The following RAB11FIP3 variants were observed in gnomAD, a reference collection of about 807,000 sequenced individuals.
RAB11FIP3 encodes the protein RAB11 family interacting protein 3, also known as rab11 family-interacting protein 3.
RAB11FIP3 carries 17 observed loss-of-function variants against 77.8 expected under a neutral mutation model. The observed-to-expected ratio is 0.22, with a 90% CI of 0.15 to 0.33. The LOEUF is 0.33. Ranked by LOEUF, RAB11FIP3 falls within the 10% of genes least tolerant of loss-of-function variation. The pLI, the probability that RAB11FIP3 is intolerant of heterozygous loss-of-function variation, is 1.00. For synonymous variants in RAB11FIP3, 437 were observed against 448.2 expected, an observed-to-expected ratio of 0.98 and a Z score of 0.31; for missense variants, 1,005 against 1,011.2, an observed-to-expected ratio of 0.99 and a Z score of 0.08.
intron 6 of RAB11FIP3, among the ~76,000 whole-genome samples, chr16:500,856 C>T (rs527608172): frequency 5.0e-4 from 76 of 152,250 alleles, no homozygotes; most frequent in African/African-American, 1.8e-3. Flanking sequence ...GTGCCTACGC[C>T]TCTAGGACAG....
intron 9 of RAB11FIP3, among the ~76,000 whole-genome samples, chr16:516,625 C>T (rs962011454): frequency 6.6e-6 from 1 of 152,158 alleles, no homozygotes; most frequent in Non-Finnish European, 1.5e-5. Flanking sequence ...GCCTGTAACC[C>T]CAGCACTTTG....
chr16:513,261 C>T (rs1336219962), intron 9 of RAB11FIP3, among the ~76,000 whole-genome samples: 3 of 151,552 alleles, frequency 2.0e-5, no homozygotes, highest in African/African-American at 2.4e-5. Context: ...TGCTCTGTGC[C>T]CCTGGCTGGA....
chr16:445,396 G>C (rs1245251364), intron 1 of RAB11FIP3, among the ~76,000 whole-genome samples: 2 of 146,474 alleles, frequency 1.4e-5, no homozygotes, highest in Non-Finnish European at 3.0e-5. Flanking sequence ...CTGAGATCTT[G>C]CCACTGCATT....
Position 482,587 on chromosome 16 carries a change from C to A in RAB11FIP3, c.966C>A (p.Thr322=). ...AGAGCACCTACAGTGAGTGTGAGAC[C>A]TTCACGGACGAGGACACCAGCACCC... The part of the protein sequence containing the change: ...GSESTYSECE[T]FTDEDTSTLV... Residue 322 remains threonine (T), a synonymous_variant, in exon 4 of 14, where the codon ACC becomes ACA. Transcript: ENST00000262305. The A allele has an allele frequency of 6.2e-7, 1 of 1,613,612 alleles. No individual in the cohort carries two copies. The highest frequency in any genetic ancestry group is 8.5e-7 in the Non-Finnish European group (1 of 1,180,032).
intron 5 of RAB11FIP3, among the ~76,000 whole-genome samples, chr16:492,461 G>GGAGACCCGAGGCCGCCCAGGGCCCTCCCC (rs1555505307): frequency 1.1e-4 from 4 of 36,336 alleles, no homozygotes; most frequent in African/African-American, 2.3e-4. Context: ...GCCCTTCCCG[G>GGAGACCCGAGGCCGCCCAGGGCCCTCCCC]GGAGACCCGA....
chr16:484,262 C>T (rs1314487743), intron 4 of RAB11FIP3, among the ~76,000 whole-genome samples: 2 of 152,204 alleles, frequency 1.3e-5, no homozygotes, highest in African/African-American at 4.8e-5. Context: ...GCCAGCTCTC[C>T]ACCGGCCCTG....
Position 472,637 on chromosome 16 carries a change from G to A in RAB11FIP3, c.903+1248G>A, listed in dbSNP as rs994856492. On this transcript the variant is annotated intron_variant, in intron 3 of 13. Transcript: ENST00000262305. The surrounding 1 kb of genome is among the most constrained non-coding windows in gnomAD (Gnocchi z 4.1). ...TCCGGGGAACTGTGTGTTCCTGGGCGTTCATGTGCCTGTGCACTCTTTCTC... is the reference window on the plus strand; with the variant it reads ...TCCGGGGAACTGTGTGTTCCTGGGCATTCATGTGCCTGTGCACTCTTTCTC... 1.3e-5 allele frequency among the ~76,000 whole-genome samples: 2 copies of A among 152,146 alleles called. No homozygotes were observed. The highest frequency in any genetic ancestry group is 2.9e-5 in the Non-Finnish European group (2 of 68,034).
chr16:451,908 G>A (rs938909360), intron 1 of RAB11FIP3, among the ~76,000 whole-genome samples: 6 of 152,154 alleles, frequency 3.9e-5, no homozygotes, highest in African/African-American at 1.2e-4. Context: ...CCAGCACTTT[G>A]GGAGGCCGAG....
At position 461,510 on chromosome 16, in the gene RAB11FIP3, C is replaced by T. The variant is rs376508936; in HGVS notation, c.808+13C>T. ...ATCAGAAACGGAGGTCAGTCATCCC[C>T]GCCATGAGCTCCCACCTCCTCTCCC... On this transcript the variant is annotated intron_variant, in intron 2 of 13. Transcript: ENST00000262305. This position sits in a 1 kb window ranked among gnomAD's most constrained non-coding sequence, Gnocchi z 4.5. 41 of 1,607,146 alleles carry T rather than the reference C, an allele frequency of 2.6e-5. No individual in the cohort carries two copies. Among genetic ancestry groups the T allele is most frequent in the South Asian group, 4.4e-5 (4 of 90,870 alleles).
rs534894259 is a variant in RAB11FIP3 at position 520,225 on chromosome 16, A to G, written c.1964A>G (p.His655Arg). The change falls in exon 12 of 14, where the codon CAC becomes CGC. Residue 655 changes from histidine (H) to arginine (R), a missense_variant. His to Arg is a conservative substitution (Grantham distance 29). Transcript: ENST00000262305. Reference protein sequence around the residue: ...RSSSMGLQEYHSRARESELEQ... With the variant: ...RSSSMGLQEYRSRARESELEQ... ...AGCAGCATGGGCCTGCAGGAGTACC[A>G]CAGCCGCGCCCGGGAGAGCGAGCTG... The G allele has an allele frequency of 5.5e-4, 844 of 1,545,766 alleles. 3 individuals are homozygous for G. Among genetic ancestry groups the G allele is most frequent in the Non-Finnish European group, 7.1e-4 (819 of 1,147,934 alleles).
intron 3 of RAB11FIP3, chr16:475,124 G>A (rs1374657093): frequency 2.4e-5 from 37 of 1,538,908 alleles, no homozygotes; most frequent in Non-Finnish European, 3.1e-5. Flanking sequence ...AGTGTGCACT[G>A]TGCCCAGTAT....
chr16:494,240 G>C (rs1400741271), intron 5 of RAB11FIP3, among the ~76,000 whole-genome samples: 3 of 151,328 alleles, frequency 2.0e-5, no homozygotes, highest in African/African-American at 2.4e-5. Context: ...TGCCAGTCCA[G>C]GCCCTGAAAG....
chr16:457,997 C>T (rs895810519), intron 1 of RAB11FIP3, among the ~76,000 whole-genome samples: 4 of 152,250 alleles, frequency 2.6e-5, no homozygotes, highest in African/African-American at 7.2e-5. Context: ...GCTAGAGTCA[C>T]GCTAGCACAC....
chr16:519,952 T>C, intron 11 of RAB11FIP3, 61 bp downstream of exon 11: 1 of 1,530,070 alleles, frequency 6.5e-7, no homozygotes, highest in Non-Finnish European at 8.8e-7. Context: ...GGGGAGCCTT[T>C]GTTTCCTGAG....
At chr16:428,185 C>T (rs1251478510) in intron 1 of RAB11FIP3, among the ~76,000 whole-genome samples, 1 of 152,048 alleles carries the variant, frequency 6.6e-6, no homozygotes, top group African/African-American at 2.4e-5. Flanking sequence ...AGAAGATGTG[C>T]AGACAGGTGC....
intron 1 of RAB11FIP3, among the ~76,000 whole-genome samples, chr16:432,240 G>C (rs2141841470): frequency 6.6e-6 from 1 of 152,188 alleles, no homozygotes; most frequent in African/African-American, 2.4e-5. Flanking sequence ...AGCTGGGTGT[G>C]GTGGTAGGCG....
intron 1 of RAB11FIP3, among the ~76,000 whole-genome samples, chr16:441,169 T>G (rs2055219567): frequency 1.3e-5 from 2 of 152,184 alleles, no homozygotes; most frequent in East Asian, 1.9e-4. Context: ...CTTGAACTTC[T>G]TACCTCAGGT....
intron 1 of RAB11FIP3, among the ~76,000 whole-genome samples, chr16:448,922 A>T (rs1240649002): frequency 1.3e-5 from 2 of 152,100 alleles, no homozygotes; most frequent in Non-Finnish European, 2.9e-5. Context: ...TCTAAAAAAA[A>T]ATTGAATAAC....
chr16:460,972 C>T (rs1003857064), intron 1 of RAB11FIP3, among the ~76,000 whole-genome samples: 24 of 152,298 alleles, frequency 1.6e-4, no homozygotes, highest in South Asian at 1.2e-3. Flanking sequence ...CCCCTGTTGG[C>T]GGCTTCTTTG....
Sources: allele counts gnomAD v4.1 joint callset (sites outside exome capture counted in the v4.1 genomes callset), GRCh38; gene constraint gnomAD v4.1.1; non-coding constraint Gnocchi (gnomAD v3.1); transcripts MANE v1.5; gene names NCBI Gene and HGNC (gene_info 2026-07-23, HGNC 2026-07-21).